CTNNA3: variants seen among roughly 807,000 people sequenced by gnomAD.
CTNNA3 encodes catenin alpha-3.
CTNNA3 carries 76 observed loss-of-function variants against 95.7 expected under a neutral mutation model. That is an observed-to-expected ratio of 0.79 (90% CI 0.66 to 0.96). CTNNA3 has a LOEUF of 0.96. Among genes scored for constraint, CTNNA3 ranks in the 40% least tolerant of loss-of-function variants. CTNNA3 has a pLI of 0.00. For missense variants in CTNNA3, 1,191 were observed against 1,089.8 expected (o/e 1.09, Z -1.31); for synonymous variants, 431 against 374.4 (o/e 1.15, Z -1.74).
chr10:66,510,729 T>C (rs1840625477), intron 11 of CTNNA3, among the ~76,000 whole-genome samples: 1 of 151,906 alleles, frequency 6.6e-6, no homozygotes, highest in South Asian at 2.1e-4. Context: ...CCTTGTATCC[T>C]TGGAATAAAT....
intron 1 of CTNNA3, among the ~76,000 whole-genome samples, chr10:67,679,378 C>G (rs1369282773): frequency 6.6e-6 from 1 of 152,148 alleles, no homozygotes; most frequent in East Asian, 1.9e-4. Context: ...TTGAGAACCA[C>G]TATTTTACAG....
chr10:66,815,651 G>C (rs1842048648), intron 7 of CTNNA3, among the ~76,000 whole-genome samples: 1 of 151,656 alleles, frequency 6.6e-6, no homozygotes, highest in African/African-American at 2.4e-5. Context: ...AAATAAGTTA[G>C]GGCAAAAAAA....
chr10:66,287,025 A>G (rs1589033927), intron 12 of CTNNA3, among the ~76,000 whole-genome samples: 3 of 152,068 alleles, frequency 2.0e-5, no homozygotes, highest in African/African-American at 7.2e-5. Flanking sequence ...GTTTAAACAT[A>G]AGCTTCTCTG....
At chr10:67,241,621 A>G (rs140527687) in intron 5 of CTNNA3, among the ~76,000 whole-genome samples, 1,550 of 152,320 alleles carry the variant, frequency 0.01, 16 homozygotes, top group African/African-American at 0.024. Context: ...AGCAAACAGA[A>G]TCACTTAGAT....
At chr10:67,220,104 T>C (rs534364198) in intron 5 of CTNNA3, among the ~76,000 whole-genome samples, 3 of 152,340 alleles carry the variant, frequency 2.0e-5, no homozygotes, top group Non-Finnish European at 4.4e-5. Context: ...AGAGCAGATG[T>C]GTAAAGATCC....
intron 7 of CTNNA3, among the ~76,000 whole-genome samples, chr10:67,100,899 A>G (rs1405355508): frequency 6.6e-6 from 1 of 151,728 alleles, no homozygotes; most frequent in Non-Finnish European, 1.5e-5. Flanking sequence ...ACTGTACTAA[A>G]AGATTTCTTT....
intron 4 of CTNNA3, among the ~76,000 whole-genome samples, chr10:67,529,614 C>A (rs1439546800): frequency 6.7e-6 from 1 of 150,226 alleles, no homozygotes; most frequent in Non-Finnish European, 1.5e-5. Flanking sequence ...GCACATTGTG[C>A]ACATGTACCC....
At chr10:67,127,007 T>C (rs1349942751) in intron 7 of CTNNA3, among the ~76,000 whole-genome samples, 2 of 152,228 alleles carry the variant, frequency 1.3e-5, no homozygotes, top group Admixed American at 1.3e-4. Context: ...AACCTTTTAA[T>C]ACAGCTACAG....
In CTNNA3 at chr10:66,927,882, C is replaced by T. The variant is rs757257686; in HGVS notation, c.1048-152358G>A. Reference sequence around the variant, plus strand: ...GGGAATGCAGCAGAAATATTTGCTCCCTTGTAAACTGGCTGAAAAGTTTTA... The same window carrying T: ...GGGAATGCAGCAGAAATATTTGCTCTCTTGTAAACTGGCTGAAAAGTTTTA... On this transcript the variant is annotated intron_variant, in intron 7 of 17. Coordinates refer to ENST00000433211, the MANE Select transcript of CTNNA3 (RefSeq NM_013266.4). The surrounding 1 kb of genome is among the most constrained non-coding windows in gnomAD (Gnocchi z 4.7). 26 of 1,614,060 alleles carry T rather than the reference C, an allele frequency of 1.6e-5. No individual in the cohort carries two copies. The highest frequency in any genetic ancestry group is 1.6e-4 in the Middle Eastern group (1 of 6,084).
chr10:66,207,492 G>T (rs547723665), intron 13 of CTNNA3, among the ~76,000 whole-genome samples: 8 of 152,052 alleles, frequency 5.3e-5, no homozygotes, highest in African/African-American at 1.7e-4. Context: ...CCATAAAACA[G>T]CTGGAGTGTT....
rs927651940 is a variant in CTNNA3 at position 66,139,374 on chromosome 10, A to G, written c.1885-36125T>C. On this transcript the variant is annotated intron_variant, in intron 13 of 17. Transcript: ENST00000433211. ...TTGATGGCTTTGTGTTTCAGCTCCTAAGAGCCACTCATATGTCATATGAAT... is the reference window on the plus strand; with the variant it reads ...TTGATGGCTTTGTGTTTCAGCTCCTGAGAGCCACTCATATGTCATATGAAT... Among the ~76,000 whole-genome samples the G allele has an allele frequency of 2.6e-5, 4 of 152,238 alleles. No individual in the cohort carries two copies. In the East Asian group the frequency reaches 7.7e-4, roughly 29 times the overall value.
rs949840411 is a variant in CTNNA3 at position 65,947,359 on chromosome 10, C to A, written c.2400+19253G>T. ...TGAAATATATCAGTGAATAATATCACTTTAGGGTAAATTTAACATTTATCC... is the reference window on the plus strand; with the variant it reads ...TGAAATATATCAGTGAATAATATCAATTTAGGGTAAATTTAACATTTATCC... On this transcript the variant is annotated intron_variant, in intron 17 of 17. Transcript: ENST00000433211. Among the ~76,000 whole-genome samples, 3 of 152,096 alleles carry A rather than the reference C, an allele frequency of 2.0e-5. No individual in the cohort carries two copies. The East Asian group carries it at 5.8e-4, about 29-fold the overall frequency.
intron 9 of CTNNA3, among the ~76,000 whole-genome samples, chr10:66,694,205 A>AG (rs1334487221): frequency 6.6e-6 from 1 of 152,178 alleles, no homozygotes; most frequent in African/African-American, 2.4e-5. Context: ...CAAAATTGAT[A>AG]GACCGCTAGC....
At chr10:66,649,068 G>T (rs1845805568) in intron 9 of CTNNA3, among the ~76,000 whole-genome samples, 1 of 152,114 alleles carries the variant, frequency 6.6e-6, no homozygotes, top group East Asian at 1.9e-4. Flanking sequence ...CAGAGAGGTA[G>T]AAGGAAAATC....
chr10:66,047,856 G>A (rs920088512), intron 15 of CTNNA3, among the ~76,000 whole-genome samples: 7 of 151,856 alleles, frequency 4.6e-5, no homozygotes, highest in African/African-American at 1.5e-4. Context: ...ACCCAAATCA[G>A]CAAGGCAATC....
intron 7 of CTNNA3, among the ~76,000 whole-genome samples, chr10:66,914,226 G>A (rs1846370524): frequency 2.0e-5 from 3 of 149,598 alleles, no homozygotes; most frequent in Non-Finnish European, 3.0e-5. Context: ...TGCCTCCCAG[G>A]TTGACGCCAT....
intron 7 of CTNNA3, among the ~76,000 whole-genome samples, chr10:67,073,282 A>G (rs1856562935): frequency 6.6e-6 from 1 of 152,206 alleles, no homozygotes; most frequent in Non-Finnish European, 1.5e-5. Flanking sequence ...TTAAAACTCT[A>G]TTGACACAAA....
chr10:67,111,939 C>G (rs1858928920), intron 7 of CTNNA3, among the ~76,000 whole-genome samples: 1 of 151,856 alleles, frequency 6.6e-6, no homozygotes, highest in South Asian at 2.1e-4. Flanking sequence ...ATAAAAGTAC[C>G]AATTAGTAAC....
At chr10:66,515,492 C>T (rs549215706) in intron 11 of CTNNA3, among the ~76,000 whole-genome samples, 30 of 152,136 alleles carry the variant, frequency 2.0e-4, no homozygotes, top group Middle Eastern at 6.8e-3. Flanking sequence ...ATCTACCTGA[C>T]AAAAGAGGAA....
Sources: gnomAD v4.1 joint callset for allele counts (sites outside exome capture counted in the v4.1 genomes callset) on GRCh38, gnomAD v4.1.1 for gene constraint, Gnocchi (gnomAD v3.1) non-coding constraint, MANE v1.5 for transcripts, NCBI Gene and HGNC (gene_info 2026-07-23, HGNC 2026-07-21) for gene names.